The following MYH13 variants were observed in gnomAD, a reference collection of about 807,000 sequenced individuals.
MYH13 encodes the protein myosin heavy chain 13.
In MYH13, 177 loss-of-function variants were observed where a neutral mutation model predicts 232.1. That is an observed-to-expected ratio of 0.76 (90% CI 0.67 to 0.86). The LOEUF is 0.86. Among genes scored for constraint, MYH13 ranks in the 40% least tolerant of loss-of-function variants. The probability of loss-of-function intolerance (pLI) is 0.00; values close to 1 mark genes in which losing one functional copy is unlikely to be tolerated. For missense variants in MYH13, 2,246 were observed against 2,405.9 expected (o/e 0.93, Z 1.39); for synonymous variants, 884 against 923.5 (o/e 0.96, Z 0.78).
chr17:10,353,054 A>T (rs1224024211), intron 11 of MYH13, among the ~76,000 whole-genome samples: 1 of 144,610 alleles, frequency 6.9e-6, no homozygotes, highest in Non-Finnish European at 1.5e-5. Context: ...TGCCAAACTG[A>T]TGGGCCATTG....
rs34889608 is a variant in MYH13 at position 10,306,220 on chromosome 17, ATGTGTGTGTG to A, written c.5466+229_5466+238del. Among the ~76,000 whole-genome samples, 9,545 of 130,006 alleles carry A rather than the reference ATGTGTGTGTG, an allele frequency of 0.073. 363 individuals are homozygous for A. Among genetic ancestry groups the A allele is most frequent in the South Asian group, 0.11 (383 of 3,528 alleles). 85.3% of individuals were successfully genotyped at this position (130,006 alleles called of 152,430 possible). On this transcript the variant is annotated intron_variant, in intron 37 of 40. Coordinates refer to ENST00000252172, the MANE Select transcript of MYH13 (RefSeq NM_003802.3). This position sits in a 1 kb window ranked among gnomAD's most constrained non-coding sequence, Gnocchi z 4.3. ...CTGAGGTGTGAGCATACCAAAATAG[ATGTGTGTGTG>A]TGTGTGTGTGTGTGTGTGTGTGTGT...
At chr17:10,323,789 AGAAG>A (rs1303552170) in intron 23 of MYH13, among the ~76,000 whole-genome samples, 257 of 37,340 alleles carry the variant, frequency 6.9e-3, no homozygotes, top group African/African-American at 0.018. Flanking sequence ...AAAAAAAAAA[AGAAG>A]AAGAAGAAGA....
At position 10,345,270 on chromosome 17, in the gene MYH13, C is replaced by T. The variant is rs1203016186; in HGVS notation, c.1516G>A (p.Glu506Lys). Residue 506 changes from glutamate (E) to lysine (K), a missense_variant, in exon 15 of 41, where the codon GAA becomes AAA. Transcript: ENST00000252172. ...TCAATGAACTCCCACTCGATGCCTT[C>T]CTTCTTGTACTCTTCCTGCTCCAGC... is the stretch of plus-strand genomic sequence containing the variant. ...FVLEQEEYKK[E>K]GIEWEFIDFG... is the part of the protein sequence containing the mutation. 1.2e-6 allele frequency: 2 copies of T among 1,614,172 alleles called. No individual in the cohort carries two copies. The highest frequency in any genetic ancestry group is 3.3e-5 in the Admixed American group (2 of 60,018).
intron 18 of MYH13, among the ~76,000 whole-genome samples, chr17:10,336,262 G>A (rs1199117288): frequency 6.6e-6 from 1 of 152,110 alleles, no homozygotes; most frequent in Non-Finnish European, 1.5e-5. Flanking sequence ...TCCACGTAAA[G>A]GGCCTCCTTT....
At chr17:10,307,917 T>G (rs969160758) in intron 35 of MYH13, among the ~76,000 whole-genome samples, 4 of 152,184 alleles carry the variant, frequency 2.6e-5, no homozygotes, top group African/African-American at 9.6e-5. Context: ...AAAAGTAAAA[T>G]TTTTATTGAG....
chr17:10,315,680 T>C lies in MYH13; in HGVS notation c.3984+13A>G. On this transcript the variant is annotated intron_variant, in intron 29 of 40. Transcript: ENST00000252172. ...CCTGGCTTCTCAGGTTCAATCTGACTCTATATCTTTACCTTGGTTTCTTCT... is the reference window on the plus strand; with the variant it reads ...CCTGGCTTCTCAGGTTCAATCTGACCCTATATCTTTACCTTGGTTTCTTCT... 1 of 1,611,110 alleles carries C rather than the reference T, an allele frequency of 6.2e-7. No individual in the cohort carries two copies. The highest frequency in any genetic ancestry group is 8.5e-7 in the Non-Finnish European group (1 of 1,178,002).
Position 10,321,686 on chromosome 17 carries a change from A to G in MYH13, c.2957T>C (p.Met986Thr). Residue 986 changes from methionine to threonine, a missense_variant, in exon 24 of 41, where the codon ATG becomes ACG. Physicochemically the swap from Met to Thr is moderately conservative, Grantham distance 81. Coordinates refer to ENST00000252172, the MANE Select transcript of MYH13 (RefSeq NM_003802.3). ...GGAAATGTTTTCTTCAAGTGCTGTC[A>G]TTTCTTCGGAAAGATTCTTTACCTG... The part of the protein sequence containing the change: ...ENKVKNLSEE[M>T]TALEENISKL... The G allele has an allele frequency of 6.2e-7, 1 of 1,613,098 alleles. No homozygotes were observed. Among genetic ancestry groups the G allele is most frequent in the Non-Finnish European group, 8.5e-7 (1 of 1,179,604 alleles).
Position 10,303,507 on chromosome 17 carries a change from G to A in MYH13, c.5467-9C>T, listed in dbSNP as rs766462483. 5 of 1,611,554 alleles carry A rather than the reference G, an allele frequency of 3.1e-6. No individual in the cohort carries two copies. In the Admixed American group the frequency reaches 5.0e-5, roughly 16 times the overall value. On this transcript the variant is annotated splice_polypyrimidine_tract_variant and intron_variant, in intron 37 of 40. Coordinates refer to ENST00000252172, the MANE Select transcript of MYH13 (RefSeq NM_003802.3). ...TTTTCCAGCTCCCGCACCTGAGTAG[G>A]ATGAAAGGAACACAGAATTCAAATC...
rs774804971 is a variant in MYH13, at chr17:10,309,278, C to G, written c.5125G>C (p.Glu1709Gln). ...TERTRRLSEQ[E>Q]LLDASDRVQL... ...ACGCGGTCGCTGGCGTCCAGCAGCTCCTGCTCTGACAGCCTGCGGGTCCGC... is the reference window on the plus strand; with the variant it reads ...ACGCGGTCGCTGGCGTCCAGCAGCTGCTGCTCTGACAGCCTGCGGGTCCGC... The change falls in exon 35 of 41, where the codon GAG (glutamate) becomes CAG (glutamine). Residue 1709 changes from glutamate to glutamine, a missense_variant. Physicochemically the swap from Glu to Gln is conservative, Grantham distance 29. Coordinates refer to ENST00000252172, the MANE Select transcript of MYH13 (RefSeq NM_003802.3). 2 of 1,613,690 alleles carry G rather than the reference C, an allele frequency of 1.2e-6. No individual in the cohort carries two copies. Among genetic ancestry groups the G allele is most frequent in the Admixed American group, 1.7e-5 (1 of 60,008 alleles).
chr17:10,350,785 A>G (rs774229762), intron 11 of MYH13, 91 bp from the exon 12 acceptor site: 9 of 1,521,238 alleles, frequency 5.9e-6, no homozygotes, highest in African/African-American at 1.4e-5. Flanking sequence ...TTTTTTGTAT[A>G]GCATATGAGA....
At chr17:10,326,021 G>A (rs952041461) in intron 22 of MYH13, among the ~76,000 whole-genome samples, 1 of 152,226 alleles carries the variant, frequency 6.6e-6, no homozygotes, top group Non-Finnish European at 1.5e-5. Flanking sequence ...ATGCATGGGA[G>A]GAGACTGGCA....
At chr17:10,358,321 A>C (rs1341507015) in intron 7 of MYH13, among the ~76,000 whole-genome samples, 1 of 152,170 alleles carries the variant, frequency 6.6e-6, no homozygotes, top group Non-Finnish European at 1.5e-5. Flanking sequence ...GATTATTCAG[A>C]AATCCACTAC....
chr17:10,363,052 G>A (rs9303257), intron 3 of MYH13, among the ~76,000 whole-genome samples: 120,927 of 152,002 alleles, frequency 0.8, 48,346 homozygotes, highest in East Asian at 0.92. Context: ...TAATAGTTCA[G>A]ACATTTGGGG....
intron 22 of MYH13, among the ~76,000 whole-genome samples, chr17:10,327,253 G>A (rs1263154369): frequency 6.6e-6 from 1 of 150,966 alleles, no homozygotes; most frequent in East Asian, 2.0e-4. Flanking sequence ...CTCCCGCCTC[G>A]GCCTCCCAAA....
At chr17:10,347,353 A>G (rs2071673925) in intron 12 of MYH13, among the ~76,000 whole-genome samples, 1 of 152,152 alleles carries the variant, frequency 6.6e-6, no homozygotes. Context: ...TGACAAGAGC[A>G]AGACTCCGAC....
In MYH13 at chr17:10,368,311, C is replaced by T. The variant is rs185303221; in HGVS notation, c.-13+2898G>A. Among the ~76,000 whole-genome samples the T allele has an allele frequency of 7.2e-5, 11 of 152,258 alleles. No homozygotes were observed. In the East Asian group the frequency reaches 9.6e-4, roughly 13 times the overall value. ...TAACAAATGCTGTCAGTTTTTTCCTCGAGACGACAACCACATTGTTCCTTT... is the reference window on the plus strand; with the variant it reads ...TAACAAATGCTGTCAGTTTTTTCCTTGAGACGACAACCACATTGTTCCTTT... On this transcript the variant is annotated intron_variant, in intron 2 of 40. Transcript: ENST00000252172.
At chr17:10,360,551 A>G (rs2071783627) in intron 5 of MYH13, among the ~76,000 whole-genome samples, 5 of 152,184 alleles carry the variant, frequency 3.3e-5, no homozygotes, top group African/African-American at 1.2e-4. Context: ...GCTTTTCATC[A>G]GCATTTATAG....
chr17:10,322,486 G>A (rs1906991071), intron 23 of MYH13, among the ~76,000 whole-genome samples: 1 of 152,180 alleles, frequency 6.6e-6, no homozygotes, highest in Admixed American at 6.5e-5. Context: ...CACGGAACTT[G>A]AAGGAAGTAA....
chr17:10,360,489 G>A lies in MYH13; in HGVS notation c.506-301C>T, dbSNP rs540301635. Among the ~76,000 whole-genome samples, 31 of 152,226 alleles carry A rather than the reference G, an allele frequency of 2.0e-4. 1 individual carries two copies. The highest frequency in any genetic ancestry group is 4.6e-4 in the African/African-American group (19 of 41,526). ...AACTCCCTGCTAGTCCTTTCCCATC[G>A]CCCTTTTCCATAAAGAAAGCAAGTG... On this transcript the variant is annotated intron_variant, in intron 5 of 40. Transcript: ENST00000252172.
Sources: allele counts gnomAD v4.1 joint callset (sites outside exome capture counted in the v4.1 genomes callset), GRCh38; gene constraint gnomAD v4.1.1; non-coding constraint Gnocchi (gnomAD v3.1); transcripts MANE v1.5; gene names NCBI Gene and HGNC (gene_info 2026-07-23, HGNC 2026-07-21).